TLK2: variants seen among roughly 807,000 people sequenced by gnomAD.
TLK2 encodes serine/threonine-protein kinase tousled-like 2.
A neutral mutation model predicts 117.3 loss-of-function variants in TLK2; 6 were observed. That is an observed-to-expected ratio of 0.05 (90% confidence interval 0.03 to 0.10). TLK2 has a LOEUF of 0.10. TLK2 is among the 10% of genes least tolerant of loss of function. The pLI, the probability that TLK2 is intolerant of heterozygous loss-of-function variation, is 1.00. For synonymous variants in TLK2, 257 were observed against 316.7 expected (o/e 0.81, Z 2.00); for missense variants, 299 against 901.2 (o/e 0.33, Z 8.56).
chr17:62,567,284 C>T (rs1231627193), intron 11 of TLK2, among the ~76,000 whole-genome samples: 1 of 152,050 alleles, frequency 6.6e-6, no homozygotes. Context: ...CTTATAGTAG[C>T]AATATTTTAT....
chr17:62,594,710 G>T (rs1487838213), intron 16 of TLK2, among the ~76,000 whole-genome samples: 3 of 152,120 alleles, frequency 2.0e-5, no homozygotes, highest in Non-Finnish European at 4.4e-5. Flanking sequence ...AGGGTTGAGG[G>T]TGGCCAGAGC....
chr17:62,598,583 GGT>G (rs1417062761), intron 17 of TLK2, among the ~76,000 whole-genome samples: 1 of 151,664 alleles, frequency 6.6e-6, no homozygotes, highest in East Asian at 1.9e-4. Context: ...GGAGTTCAGT[GGT>G]GCGATCTTGG....
intron 2 of TLK2, among the ~76,000 whole-genome samples, chr17:62,494,931 C>T (rs1286450544): frequency 1.3e-5 from 2 of 151,990 alleles, no homozygotes; most frequent in African/African-American, 2.4e-5. Context: ...TTTGGGAGAC[C>T]GAGGCAGGTG....
chr17:62,529,537 G>GC (rs1248800395), intron 6 of TLK2, among the ~76,000 whole-genome samples: 3 of 152,268 alleles, frequency 2.0e-5, no homozygotes, highest in Middle Eastern at 3.4e-3. Flanking sequence ...CCTGGCTGAA[G>GC]CCCTTTGCTT....
chr17:62,580,293 T>C (rs1019633945), intron 15 of TLK2, 101 bp downstream of exon 15: 3 of 804,780 alleles, frequency 3.7e-6, no homozygotes, highest in Admixed American at 3.5e-5. Context: ...TTGATATCCA[T>C]TGGTTGAAAT....
chr17:62,580,793 T>C (rs1438806255), intron 15 of TLK2, among the ~76,000 whole-genome samples: 1 of 152,230 alleles, frequency 6.6e-6, no homozygotes, highest in Admixed American at 6.5e-5. Flanking sequence ...TTCTACGTGT[T>C]TCTGGCACCT....
intron 2 of TLK2, among the ~76,000 whole-genome samples, chr17:62,512,921 C>T (rs564253350): frequency 2.7e-5 from 4 of 149,884 alleles, no homozygotes; most frequent in Non-Finnish European, 4.4e-5. Context: ...TCTCGTTGCC[C>T]GGGCTGGAGT....
intron 9 of TLK2, among the ~76,000 whole-genome samples, chr17:62,556,669 T>A (rs1236933231): frequency 6.6e-6 from 1 of 152,236 alleles, no homozygotes; most frequent in Non-Finnish European, 1.5e-5. Flanking sequence ...ATTTGTTAAA[T>A]ATTACCCCAG....
At chr17:62,547,009 A>G (rs2077998649) in intron 7 of TLK2, among the ~76,000 whole-genome samples, 2 of 151,898 alleles carry the variant, frequency 1.3e-5, no homozygotes, top group East Asian at 1.9e-4. Flanking sequence ...TACTTTTTTA[A>G]TTTTTGTAGC....
intron 2 of TLK2, chr17:62,507,447 A>C (rs1213395246): frequency 6.6e-6 from 1 of 152,160 alleles, no homozygotes; most frequent in Non-Finnish European, 1.5e-5. Flanking sequence ...ATGGTATGAA[A>C]AGGTAGTACT....
At chr17:62,520,606 G>A (rs2145513224) in intron 2 of TLK2, among the ~76,000 whole-genome samples, 167 bp from the exon 3 acceptor site, 1 of 151,322 alleles carries the variant, frequency 6.6e-6, no homozygotes, top group East Asian at 1.9e-4. Context: ...GAACCCAGGA[G>A]GCAGAGGTTG....
intron 6 of TLK2, among the ~76,000 whole-genome samples, chr17:62,533,813 C>CT (rs2076927117): frequency 1.3e-5 from 2 of 152,234 alleles, no homozygotes; most frequent in Non-Finnish European, 1.5e-5. Context: ...TTAAAAAGTC[C>CT]TTTACCACTA....
chr17:62,543,823 T>C (rs1169193432), intron 7 of TLK2, among the ~76,000 whole-genome samples: 5 of 152,254 alleles, frequency 3.3e-5, no homozygotes, highest in African/African-American at 9.6e-5. Context: ...ACAGAAGTTT[T>C]TAATTTTGAG....
intron 21 of TLK2, 100 bp downstream of exon 21, chr17:62,608,248 G>A: frequency 9.1e-6 from 8 of 874,692 alleles, no homozygotes; most frequent in Middle Eastern, 2.3e-4. Context: ...GTGAAATTCA[G>A]CAGTTAATAA....
At chr17:62,586,075 C>A in intron 15 of TLK2, 60 bp from the exon 16 acceptor site, 1 of 1,282,868 alleles carries the variant, frequency 7.8e-7, no homozygotes, top group Non-Finnish European at 1.1e-6. Flanking sequence ...TAAAGCTTCA[C>A]ATCAGTTACC....
intron 13 of TLK2, among the ~76,000 whole-genome samples, 163 bp downstream of exon 13, chr17:62,576,938 C>CTCATATTT (rs2080834866): frequency 6.9e-6 from 1 of 145,604 alleles, no homozygotes; most frequent in Non-Finnish European, 1.5e-5. Context: ...AATGGTAGAA[C>CTCATATTT]TCATATTTTT....
chr17:62,564,955 C>T (rs369877034), intron 10 of TLK2, 46 bp from the exon 11 acceptor site: 24 of 1,569,554 alleles, frequency 1.5e-5, no homozygotes, highest in Non-Finnish European at 2.0e-5. Flanking sequence ...TGTCTTTATC[C>T]ATGCTAATTG....
intron 7 of TLK2, among the ~76,000 whole-genome samples, chr17:62,544,409 TA>T (rs2077753728): frequency 6.6e-6 from 1 of 152,112 alleles, no homozygotes; most frequent in African/African-American, 2.4e-5. Context: ...CATGCACTTT[TA>T]AACCATCAGA....
At chr17:62,505,451 A>G (rs2074602958) in intron 2 of TLK2, among the ~76,000 whole-genome samples, 2 of 108,318 alleles carry the variant, frequency 1.8e-5, no homozygotes, top group Admixed American at 1.4e-4. Context: ...ACCGGGTCTC[A>G]CTACATTGCT....
Sources: allele counts gnomAD v4.1 joint callset (sites outside exome capture counted in the v4.1 genomes callset), GRCh38; gene constraint gnomAD v4.1.1; transcripts MANE v1.5; gene names NCBI Gene and HGNC (gene_info 2026-07-23, HGNC 2026-07-21).